The following KCTD8 variants were observed in gnomAD, a reference collection of about 807,000 sequenced individuals.
KCTD8 encodes BTB/POZ domain-containing protein KCTD8.
Under a neutral mutation model 31.5 loss-of-function variants are expected in KCTD8, and 27 were observed. That is an observed-to-expected ratio of 0.86 (90% confidence interval 0.63 to 1.18). The LOEUF is 1.18. Ranked by LOEUF, KCTD8 falls within the 50% of genes most tolerant of loss-of-function variation. The pLI, the probability that KCTD8 is intolerant of heterozygous loss-of-function variation, is 0.00. For synonymous variants in KCTD8, 290 were observed against 280.0 expected (o/e 1.04, Z -0.36); for missense variants, 658 against 647.7 (o/e 1.02, Z -0.17).
chr4:44,218,625 TAA>T (rs1714720020), intron 1 of KCTD8, among the ~76,000 whole-genome samples: 2 of 142,666 alleles, frequency 1.4e-5, no homozygotes, highest in African/African-American at 5.2e-5. Context: ...TCACAAAAAT[TAA>T]AAAATAAATA....
chr4:44,186,868 A>G (rs1413002188), intron 1 of KCTD8, among the ~76,000 whole-genome samples: 2 of 152,258 alleles, frequency 1.3e-5, no homozygotes, highest in Non-Finnish European at 2.9e-5. Context: ...TGAAATTAAT[A>G]TTATCTACAA....
chr4:44,262,287 A>G (rs1235200835), intron 1 of KCTD8, among the ~76,000 whole-genome samples: 1 of 151,932 alleles, frequency 6.6e-6, no homozygotes, highest in East Asian at 1.9e-4. Context: ...GGAAATAGAT[A>G]TTTCAAAGTA....
At chr4:44,189,525 A>G (rs1426099343) in intron 1 of KCTD8, among the ~76,000 whole-genome samples, 1 of 151,528 alleles carries the variant, frequency 6.6e-6, no homozygotes, top group Non-Finnish European at 1.5e-5. Flanking sequence ...TAGATCAACC[A>G]TTATTGGAAT....
At chr4:44,254,754 C>G (rs1286829579) in intron 1 of KCTD8, among the ~76,000 whole-genome samples, 1 of 151,888 alleles carries the variant, frequency 6.6e-6, no homozygotes, top group Non-Finnish European at 1.5e-5. Context: ...CTCAGATGCT[C>G]TACCTATTTT....
chr4:44,232,976 C>T (rs1324358132), intron 1 of KCTD8, among the ~76,000 whole-genome samples: 1 of 151,838 alleles, frequency 6.6e-6, no homozygotes, highest in Non-Finnish European at 1.5e-5. Flanking sequence ...TCACTTTTTT[C>T]ATAAAACGTT....
chr4:44,279,948 CA>C (rs1254819816), intron 1 of KCTD8, among the ~76,000 whole-genome samples: 1 of 151,958 alleles, frequency 6.6e-6, no homozygotes, highest in African/African-American at 2.4e-5. Flanking sequence ...ACCAACCAAA[CA>C]AAAATGTTTA....
intron 1 of KCTD8, among the ~76,000 whole-genome samples, chr4:44,277,437 C>T (rs1456504832): frequency 1.3e-5 from 2 of 151,696 alleles, no homozygotes; most frequent in East Asian, 3.9e-4. Context: ...TAACAGTACA[C>T]TAACACTGTT....
intron 1 of KCTD8, among the ~76,000 whole-genome samples, chr4:44,270,296 A>G (rs1240771723): frequency 6.6e-6 from 1 of 151,044 alleles, no homozygotes; most frequent in Non-Finnish European, 1.5e-5. Context: ...CAAGGACAAA[A>G]AACCAAACAC....
intron 1 of KCTD8, among the ~76,000 whole-genome samples, chr4:44,266,375 C>A (rs889233292): frequency 6.6e-6 from 1 of 152,120 alleles, no homozygotes; most frequent in African/African-American, 2.4e-5. Flanking sequence ...GCCTGCCTTA[C>A]AAGAGCTCCT....
At chr4:44,209,443 T>C (rs572898595) in intron 1 of KCTD8, among the ~76,000 whole-genome samples, 1 of 152,142 alleles carries the variant, frequency 6.6e-6, no homozygotes, top group East Asian at 1.9e-4. Flanking sequence ...ATTTGTTCTC[T>C]TTCTCTGTTT....
At chr4:44,310,844 A>G (rs1315691980) in intron 1 of KCTD8, among the ~76,000 whole-genome samples, 1 of 152,106 alleles carries the variant, frequency 6.6e-6, no homozygotes, top group Non-Finnish European at 1.5e-5. Flanking sequence ...GGGTGTGCAG[A>G]CACTACATAT....
intron 1 of KCTD8, among the ~76,000 whole-genome samples, chr4:44,298,462 G>A (rs1444422865): frequency 6.6e-6 from 1 of 151,896 alleles, no homozygotes; most frequent in Non-Finnish European, 1.5e-5. Flanking sequence ...TGAACTGGGG[G>A]AAAAGGAGAA....
intron 1 of KCTD8, among the ~76,000 whole-genome samples, chr4:44,426,474 G>A (rs1462931907): frequency 1.3e-5 from 2 of 151,676 alleles, no homozygotes; most frequent in African/African-American, 4.8e-5. Flanking sequence ...GAGAGAAAAA[G>A]AGAAAGAGAG....
Position 44,399,498 on chromosome 4 carries a change from A to G in KCTD8, c.961+48065T>C, listed in dbSNP as rs542802771. Among the ~76,000 whole-genome samples, 138 of 152,318 alleles carry G rather than the reference A, an allele frequency of 9.1e-4. 1 individual carries two copies. Among genetic ancestry groups the G allele is most frequent in the African/African-American group, 3.1e-3 (129 of 41,584 alleles). ...GGCGGAAAAGGGTGAGATCTAACTC[A>G]GAGGTGGACGAGTTATCCTCGGTAA... On this transcript the variant is annotated intron_variant, in intron 1 of 1. Coordinates refer to ENST00000360029, the MANE Select transcript of KCTD8 (RefSeq NM_198353.3).
At chr4:44,409,416 C>T (rs1720898549) in intron 1 of KCTD8, among the ~76,000 whole-genome samples, 1 of 151,960 alleles carries the variant, frequency 6.6e-6, no homozygotes, top group Non-Finnish European at 1.5e-5. Context: ...GTTTGCCTCC[C>T]CTAATAGGCA....
intron 1 of KCTD8, among the ~76,000 whole-genome samples, chr4:44,308,530 T>A (rs1324456790): frequency 2.0e-5 from 3 of 151,950 alleles, no homozygotes; most frequent in Non-Finnish European, 2.9e-5. Context: ...AAGATCTATA[T>A]GATTTTGTAT....
At chr4:44,422,391 T>A (rs1721235792) in intron 1 of KCTD8, among the ~76,000 whole-genome samples, 1 of 152,052 alleles carries the variant, frequency 6.6e-6, no homozygotes, top group Non-Finnish European at 1.5e-5. Flanking sequence ...GAGACAGAAC[T>A]AACATCCATA....
chr4:44,410,814 T>A (rs1720935193), intron 1 of KCTD8, among the ~76,000 whole-genome samples: 1 of 152,104 alleles, frequency 6.6e-6, no homozygotes, highest in Non-Finnish European at 1.5e-5. Context: ...CCTCTCACCA[T>A]GTCAGTCCCA....
At position 44,367,545 on chromosome 4, in the gene KCTD8, T is replaced by A. The variant is rs570685312; in HGVS notation, c.961+80018A>T. Among the ~76,000 whole-genome samples the A allele has an allele frequency of 4.6e-5, 7 of 152,232 alleles. No individual in the cohort carries two copies. The South Asian group carries it at 1.2e-3, about 27-fold the overall frequency. ...GAAGTACTTTCAAATACCAGAAAAA[T>A]TAGAGTAAAAGGTATTTCCTCTTAG... On this transcript the variant is annotated intron_variant, in intron 1 of 1. Transcript: ENST00000360029.
Sources: gnomAD v4.1 joint callset for allele counts (sites outside exome capture counted in the v4.1 genomes callset) on GRCh38, gnomAD v4.1.1 for gene constraint, MANE v1.5 for transcripts, NCBI Gene and HGNC (gene_info 2026-07-23, HGNC 2026-07-21) for gene names.